Variants in DCDC1 observed in about 807,000 individuals in gnomAD.
The protein encoded by DCDC1 is doublecortin domain-containing protein 1.
Under a neutral mutation model 178.3 loss-of-function variants are expected in DCDC1, and 200 were observed. That is an observed-to-expected ratio of 1.12 (90% CI 1.00 to 1.26). The LOEUF (loss-of-function observed/expected upper bound fraction) is 1.26. DCDC1 is among the 50% of genes most tolerant of loss of function. DCDC1 has a pLI of 0.00. For missense variants in DCDC1, 1,983 were observed against 1,749.2 expected, an observed-to-expected ratio of 1.13 and a Z score of -2.38; for synonymous variants, 690 against 604.8, an observed-to-expected ratio of 1.14 and a Z score of -2.07.
intron 20 of DCDC1, among the ~76,000 whole-genome samples, chr11:31,061,361 A>G (rs1249045677): frequency 6.6e-6 from 1 of 152,128 alleles, no homozygotes; most frequent in East Asian, 1.9e-4. Flanking sequence ...ACTTTGGACC[A>G]AACTTAGAAT....
At chr11:31,105,738 A>G (rs1958803468) in intron 13 of DCDC1, among the ~76,000 whole-genome samples, 1 of 152,110 alleles carries the variant, frequency 6.6e-6, no homozygotes, top group Non-Finnish European at 1.5e-5. Context: ...GTGATCCACA[A>G]CTTATTCTAG....
At chr11:31,129,148 G>C (rs1962072576) in intron 10 of DCDC1, among the ~76,000 whole-genome samples, 1 of 142,942 alleles carries the variant, frequency 7.0e-6, no homozygotes, top group South Asian at 2.4e-4. Flanking sequence ...GTGACAGCCA[G>C]TGTGCACTAT....
At chr11:31,165,199 G>A (rs1966663259) in intron 9 of DCDC1, among the ~76,000 whole-genome samples, 1 of 152,042 alleles carries the variant, frequency 6.6e-6, no homozygotes, top group African/African-American at 2.4e-5. Context: ...GATGACACAG[G>A]ATATTATGGA....
At chr11:31,007,480 A>G (rs1951915995) in intron 20 of DCDC1, among the ~76,000 whole-genome samples, 1 of 152,168 alleles carries the variant, frequency 6.6e-6, no homozygotes, top group East Asian at 1.9e-4. Flanking sequence ...ACGCTGATAT[A>G]CTTGAGTCTA....
At chr11:30,880,429 G>T (rs1278484130) in intron 37 of DCDC1, among the ~76,000 whole-genome samples, 1 of 152,082 alleles carries the variant, frequency 6.6e-6, no homozygotes, top group East Asian at 1.9e-4. Flanking sequence ...TTTTTGGTTT[G>T]CCTACATTAC....
At chr11:31,018,785 A>T (rs1430775552) in intron 20 of DCDC1, among the ~76,000 whole-genome samples, 1 of 152,194 alleles carries the variant, frequency 6.6e-6, no homozygotes, top group Non-Finnish European at 1.5e-5. Flanking sequence ...CATCCTGACA[A>T]TCCAGAGGTC....
intron 36 of DCDC1, chr11:30,882,298 C>A (rs1408260638): frequency 6.6e-6 from 1 of 152,140 alleles, no homozygotes; most frequent in Admixed American, 6.5e-5. Flanking sequence ...AAAAGCGCAG[C>A]TTTTCACCCA....
intron 20 of DCDC1, among the ~76,000 whole-genome samples, chr11:31,051,572 G>A (rs1401059545): frequency 6.6e-6 from 1 of 152,160 alleles, no homozygotes; most frequent in Non-Finnish European, 1.5e-5. Flanking sequence ...GAGCTGTGAG[G>A]CAGAAGCACC....
chr11:31,231,882 C>A (rs1477040328), intron 9 of DCDC1, among the ~76,000 whole-genome samples: 1 of 152,218 alleles, frequency 6.6e-6, no homozygotes, highest in Admixed American at 6.5e-5. Context: ...CACTTCTTGG[C>A]ATGTCTTGTA....
chr11:31,127,529 G>A lies in DCDC1; in HGVS notation c.1425C>T (p.Val475=), dbSNP rs745615895. 78 of 702,632 alleles carry A rather than the reference G, an allele frequency of 1.1e-4. 1 individual carries two copies. The highest frequency in any genetic ancestry group is 1.1e-3 in the South Asian group (74 of 67,600). The allele number at this position is 702,632 out of a possible 1,614,324, so 43.5% of individuals were successfully genotyped here. Residue 475 remains valine, a synonymous_variant, in exon 11 of 39, where the codon GTC becomes GTT. Transcript: ENST00000684477. Reference sequence around the variant, plus strand: ...CTGGAAGGCTTTTAATGTGTTGGTAGACATAAGAGGAGAATTGCTCCTGCT... The same window carrying A: ...CTGGAAGGCTTTTAATGTGTTGGTAAACATAAGAGGAGAATTGCTCCTGCT... ...QAEQEQFSSY[V]YQHIKSLPAN...
At chr11:31,176,911 G>A (rs557715313) in intron 9 of DCDC1, among the ~76,000 whole-genome samples, 9 of 152,108 alleles carry the variant, frequency 5.9e-5, no homozygotes, top group Admixed American at 4.6e-4. Context: ...GGAATGCTAC[G>A]ACTGGAAACA....
chr11:31,012,818 T>C (rs1391137233), intron 20 of DCDC1, among the ~76,000 whole-genome samples: 3 of 152,130 alleles, frequency 2.0e-5, no homozygotes, highest in Admixed American at 1.3e-4. Flanking sequence ...AGATTATTTA[T>C]ATAAGGTTTG....
chr11:31,239,505 G>T (rs370495216), intron 9 of DCDC1, among the ~76,000 whole-genome samples: 1 of 151,798 alleles, frequency 6.6e-6, no homozygotes, highest in East Asian at 1.9e-4. Flanking sequence ...TAAAGCAACA[G>T]AAATTTACAT....
chr11:31,302,760 A>G (rs1948198626), intron 6 of DCDC1, among the ~76,000 whole-genome samples: 1 of 152,128 alleles, frequency 6.6e-6, no homozygotes, highest in African/African-American at 2.4e-5. Flanking sequence ...TTATGCTCAA[A>G]AGGCGTAGTA....
chr11:30,969,329 A>G (rs958309234), intron 20 of DCDC1, among the ~76,000 whole-genome samples: 1 of 152,166 alleles, frequency 6.6e-6, no homozygotes, highest in Non-Finnish European at 1.5e-5. Context: ...ACAAAAGAGG[A>G]GAAGGCAATA....
intron 18 of DCDC1, among the ~76,000 whole-genome samples, chr11:31,066,772 T>C (rs915144986): frequency 2.6e-5 from 4 of 152,198 alleles, no homozygotes; most frequent in Non-Finnish European, 5.9e-5. Flanking sequence ...TTCTGTATAA[T>C]ACTATAATGG....
intron 8 of DCDC1, chr11:31,263,082 A>G (rs1385928304): frequency 1.9e-6 from 3 of 1,612,622 alleles, no homozygotes; most frequent in Non-Finnish European, 2.5e-6. Flanking sequence ...TCCTGTTTTG[A>G]TAAGTAATTC....
intron 20 of DCDC1, among the ~76,000 whole-genome samples, chr11:31,017,458 C>A (rs977224818): frequency 1.3e-5 from 2 of 151,686 alleles, no homozygotes; most frequent in African/African-American, 2.4e-5. Flanking sequence ...ATACAACATA[C>A]AAATTATGTG....
intron 20 of DCDC1, among the ~76,000 whole-genome samples, chr11:31,056,042 T>G (rs992302722): frequency 2.0e-5 from 3 of 152,170 alleles, no homozygotes; most frequent in African/African-American, 4.8e-5. Context: ...AACTAAAACA[T>G]GCCAGCATTT....
Sources: gnomAD v4.1 joint callset for allele counts (sites outside exome capture counted in the v4.1 genomes callset) on GRCh38, gnomAD v4.1.1 for gene constraint, MANE v1.5 for transcripts, NCBI Gene and HGNC (gene_info 2026-07-23, HGNC 2026-07-21) for gene names.